The following HS6ST2 variants were observed in gnomAD, a reference collection of about 807,000 sequenced individuals.
HS6ST2 encodes the protein heparan-sulfate 6-O-sulfotransferase 2.
A neutral mutation model predicts 33.0 loss-of-function variants in HS6ST2; 17 were observed. That is an observed-to-expected ratio of 0.52 (90% CI 0.35 to 0.77). The LOEUF (loss-of-function observed/expected upper bound fraction) is 0.77, where lower values mean the gene tolerates loss of function less well. Among genes scored for constraint, HS6ST2 ranks in the 30% least tolerant of loss-of-function variants. HS6ST2 has a pLI of 0.01. For missense variants in HS6ST2, 519 were observed against 551.7 expected (o/e 0.94, Z 0.59); for synonymous variants, 248 against 237.1 (o/e 1.05, Z -0.42).
Position 132,957,019 on chromosome X carries a change from A to C in HS6ST2, c.736T>G (p.Leu246Val), listed in dbSNP as rs766460833. 8.3e-7 allele frequency: 1 copy of C among 1,211,681 alleles called. No homozygotes were observed. The highest frequency in any genetic ancestry group is 1.1e-6 in the Non-Finnish European group (1 of 895,367). The change falls in exon 2 of 5, where the codon TTG becomes GTG. Residue 246 changes from leucine to valine, a missense_variant. By Grantham distance (32) the Leu-to-Val change is conservative (BLOSUM62 1). Transcript: ENST00000370833. ...TGCTCCAGCTGGATGTTACGCACCA[A>C]GTGGCGGCCGAAAGTGGTGCCCCCG... is the stretch of plus-strand genomic sequence containing the variant. The part of the protein sequence containing the change: ...KTGGTTFGRH[L>V]VRNIQLEQPC...
chrX:132,798,110 A>C (rs958373644), intron 2 of HS6ST2, among the ~76,000 whole-genome samples: 2 of 107,946 alleles, frequency 1.9e-5, no homozygotes, highest in Non-Finnish European at 3.8e-5. Flanking sequence ...TCCCTTCAAT[A>C]CACCCCATTC....
chrX:132,762,380 C>T (rs2064810502), intron 2 of HS6ST2, among the ~76,000 whole-genome samples: 1 of 112,367 alleles, frequency 8.9e-6, no homozygotes, highest in African/African-American at 3.2e-5. Flanking sequence ...TTGTTCATGT[C>T]TTCTTCTCCC....
At chrX:132,776,581 C>T (rs2064960588) in intron 2 of HS6ST2, among the ~76,000 whole-genome samples, 1 of 111,085 alleles carries the variant, frequency 9.0e-6, no homozygotes, top group Admixed American at 9.6e-5. Flanking sequence ...AGCCCTTCCC[C>T]CATCCATCCT....
chrX:132,904,787 C>A lies in HS6ST2; in HGVS notation c.947+52021G>T, dbSNP rs1239910055. ...AAGCAATCCTCCCACATTGGCCTCCCAAAGTGCTGAGATTACAGGTGTGAG... is the reference window on the plus strand; with the variant it reads ...AAGCAATCCTCCCACATTGGCCTCCAAAAGTGCTGAGATTACAGGTGTGAG... On this transcript the variant is annotated intron_variant, in intron 2 of 4. Transcript: ENST00000370833. Among the ~76,000 whole-genome samples the A allele has an allele frequency of 5.5e-5, 6 of 108,898 alleles. No homozygotes were observed. In the East Asian group the frequency reaches 1.7e-3, roughly 32 times the overall value. 94.6% of individuals were successfully genotyped at this position (108,898 alleles called of 115,157 possible).
At chrX:132,838,297 C>T (rs1221910048) in intron 2 of HS6ST2, among the ~76,000 whole-genome samples, 1 of 111,667 alleles carries the variant, frequency 9.0e-6, no homozygotes, top group Non-Finnish European at 1.9e-5. Context: ...TGTCACTCAT[C>T]AGATGAGATC....
Position 132,944,421 on chromosome X carries a change from G to A in HS6ST2, c.947+12387C>T, listed in dbSNP as rs184760378. Among the ~76,000 whole-genome samples, 1,094 of 111,100 alleles carry A rather than the reference G, an allele frequency of 9.8e-3. 24 individuals are homozygous for A. In the East Asian group the frequency reaches 0.1, roughly 10 times the overall value. On this transcript the variant is annotated intron_variant, in intron 2 of 4. Coordinates refer to ENST00000370833, the MANE Select transcript of HS6ST2 (RefSeq NM_001394073.1). ...AAGAATCAATATTGTGAAAACGGCC[G>A]TACTGCCCAAGGTAATTTATAGATT...
chrX:132,923,992 G>T (rs2066683780), intron 2 of HS6ST2, among the ~76,000 whole-genome samples: 1 of 111,886 alleles, frequency 8.9e-6, no homozygotes, highest in Non-Finnish European at 1.9e-5. Flanking sequence ...ATATCTTGTA[G>T]TCTAAAAAAA....
chrX:132,818,805 G>A (rs749570529), intron 2 of HS6ST2, among the ~76,000 whole-genome samples: 31 of 111,885 alleles, frequency 2.8e-4, no homozygotes, highest in Non-Finnish European at 1.7e-4. Flanking sequence ...AGACTGTTGA[G>A]TATCTCACCA....
At chrX:132,739,875 A>T (rs953529608) in intron 2 of HS6ST2, among the ~76,000 whole-genome samples, 1 of 111,911 alleles carries the variant, frequency 8.9e-6, no homozygotes, top group African/African-American at 3.3e-5. Flanking sequence ...GCTATGTAAT[A>T]TTCTAGCCTA....
chrX:132,834,476 C>A (rs767072697), intron 2 of HS6ST2, among the ~76,000 whole-genome samples: 9 of 111,874 alleles, frequency 8.0e-5, no homozygotes, highest in Non-Finnish European at 1.5e-4. Flanking sequence ...AGTCAAGGTC[C>A]TGTGGCAACA....
chrX:132,688,368 T>C (rs1272371235), intron 3 of HS6ST2, among the ~76,000 whole-genome samples: 1 of 111,765 alleles, frequency 8.9e-6, no homozygotes, highest in Non-Finnish European at 1.9e-5. Context: ...ATTACAAAAG[T>C]ACAGTACTGC....
At chrX:132,918,422 A>G (rs1428475428) in intron 2 of HS6ST2, among the ~76,000 whole-genome samples, 1 of 112,424 alleles carries the variant, frequency 8.9e-6, no homozygotes, top group African/African-American at 3.2e-5. Flanking sequence ...AGACCTTGAG[A>G]GGCAGTTTTG....
chrX:132,954,887 G>A (rs192051569), intron 2 of HS6ST2, among the ~76,000 whole-genome samples: 1 of 111,796 alleles, frequency 8.9e-6, no homozygotes, highest in East Asian at 2.8e-4. Flanking sequence ...TGGAGAATGC[G>A]GGAAGGAATC....
At chrX:132,809,928 G>A (rs904807108) in intron 2 of HS6ST2, among the ~76,000 whole-genome samples, 3 of 111,941 alleles carry the variant, frequency 2.7e-5, no homozygotes, top group Admixed American at 1.9e-4. Context: ...GAGAGTGTTC[G>A]TTTCAGCATC....
At chrX:132,821,561 G>A (rs964186406) in intron 2 of HS6ST2, among the ~76,000 whole-genome samples, 3 of 110,057 alleles carry the variant, frequency 2.7e-5, no homozygotes, top group Admixed American at 9.8e-5. Flanking sequence ...TGATCCCGGT[G>A]ACCCCCTCCC....
intron 2 of HS6ST2, among the ~76,000 whole-genome samples, chrX:132,862,861 C>A (rs1347842743): frequency 9.0e-6 from 1 of 111,729 alleles, no homozygotes; most frequent in Non-Finnish European, 1.9e-5. Context: ...AAAGTTTGAA[C>A]CACGAAGTAC....
intron 2 of HS6ST2, among the ~76,000 whole-genome samples, chrX:132,924,395 GA>G (rs2066688784): frequency 8.9e-6 from 1 of 111,938 alleles, no homozygotes; most frequent in African/African-American, 3.2e-5. Context: ...AAGCCTGAGG[GA>G]AAAATTGAAT....
chrX:132,953,399 C>G (rs755776407), intron 2 of HS6ST2, among the ~76,000 whole-genome samples: 1 of 111,305 alleles, frequency 9.0e-6, no homozygotes, highest in Non-Finnish European at 1.9e-5. Flanking sequence ...CTCCAGGCAA[C>G]GTGATCACGG....
intron 2 of HS6ST2, among the ~76,000 whole-genome samples, chrX:132,893,930 C>T (rs2066341422): frequency 9.0e-6 from 1 of 111,053 alleles, no homozygotes; most frequent in Admixed American, 9.6e-5. Flanking sequence ...ATCCCAGGAG[C>T]TTCATCCAGA....
Sources: gnomAD v4.1 joint callset for allele counts (sites outside exome capture counted in the v4.1 genomes callset) on GRCh38, gnomAD v4.1.1 for gene constraint, MANE v1.5 for transcripts, NCBI Gene and HGNC (gene_info 2026-07-23, HGNC 2026-07-21) for gene names.